FUT8: variants seen among roughly 807,000 people sequenced by gnomAD.
FUT8 encodes fucosyltransferase 8.
FUT8 carries 29 observed loss-of-function variants against 71.3 expected under a neutral mutation model. The ratio of observed to expected loss-of-function variants is 0.41; its 90% CI spans 0.30 to 0.55. The LOEUF (loss-of-function observed/expected upper bound fraction) is 0.55, where lower values mean the gene tolerates loss of function less well. FUT8 is among the 20% of genes least tolerant of loss of function. The pLI is 0.34. For synonymous variants in FUT8, 254 were observed against 239.3 expected (o/e 1.06, Z -0.57); for missense variants, 544 against 702.1 (o/e 0.77, Z 2.55).
intron 2 of FUT8, among the ~76,000 whole-genome samples, chr14:65,537,156 T>C (rs1884371857): frequency 6.6e-6 from 1 of 151,912 alleles, no homozygotes; most frequent in South Asian, 2.1e-4. Flanking sequence ...CTTGTATCAT[T>C]TTATTGTGCT....
At chr14:65,633,947 G>T (rs1890385487) in intron 6 of FUT8, among the ~76,000 whole-genome samples, 1 of 151,076 alleles carries the variant, frequency 6.6e-6, no homozygotes, top group Non-Finnish European at 1.5e-5. Flanking sequence ...GAGGTGGGGG[G>T]TCAGCCCCTG....
At chr14:65,478,370 G>T (rs2066279616) in intron 2 of FUT8, among the ~76,000 whole-genome samples, 1 of 152,122 alleles carries the variant, frequency 6.6e-6, no homozygotes, top group Non-Finnish European at 1.5e-5. Flanking sequence ...CTGAAGAAAT[G>T]CTCACTGGAG....
chr14:65,499,409 A>C (rs1052784831), intron 2 of FUT8, among the ~76,000 whole-genome samples: 22 of 151,734 alleles, frequency 1.4e-4, no homozygotes, highest in Non-Finnish European at 2.6e-4. Context: ...CAGGTTTACC[A>C]CTTTTTTTTT....
chr14:65,616,169 A>C (rs900456780), intron 4 of FUT8, 42 bp from the exon 5 acceptor site: 2 of 1,596,184 alleles, frequency 1.3e-6, no homozygotes, highest in African/African-American at 2.7e-5. Flanking sequence ...TCCTTTTATC[A>C]AAATGTTGGA....
chr14:65,681,858 A>G (rs1438867509), intron 7 of FUT8, among the ~76,000 whole-genome samples: 2 of 152,250 alleles, frequency 1.3e-5, no homozygotes, highest in Admixed American at 6.5e-5. Context: ...TGCCAGAGGT[A>G]GTACAGCCGC....
At chr14:65,507,289 CAAG>C (rs1355359219) in intron 2 of FUT8, among the ~76,000 whole-genome samples, 1 of 152,176 alleles carries the variant, frequency 6.6e-6, no homozygotes, top group Non-Finnish European at 1.5e-5. Flanking sequence ...CTCGGCCTTC[CAAG>C]AAGATTTGTG....
intron 1 of FUT8, among the ~76,000 whole-genome samples, chr14:65,441,713 A>G (rs200217696): frequency 1.5e-5 from 2 of 137,444 alleles, no homozygotes; most frequent in African/African-American, 2.7e-5. Flanking sequence ...AGATCGTGCC[A>G]CTGTACTCCA....
rs1436452611 is a variant in FUT8 at position 65,643,420 on chromosome 14, C to T, written c.597+13814C>T. Among the ~76,000 whole-genome samples, 8 of 151,964 alleles carry T rather than the reference C, an allele frequency of 5.3e-5. No homozygotes were observed. The highest frequency in any genetic ancestry group is 7.3e-5 in the African/African-American group (3 of 41,362). On this transcript the variant is annotated intron_variant, in intron 6 of 10. Coordinates refer to ENST00000673929, the MANE Select transcript of FUT8 (RefSeq NM_001371533.1). The surrounding 1 kb of genome is among the most constrained non-coding windows in gnomAD (Gnocchi z 4.5). Reference sequence around the variant, plus strand: ...CTGTAATCCCAGCACTTTGGGAGGCCGAGGCAGGCGGGTCACGAGGTCAGG... The same window carrying T: ...CTGTAATCCCAGCACTTTGGGAGGCTGAGGCAGGCGGGTCACGAGGTCAGG...
chr14:65,373,782 A>G, the FUT8 span, among the ~76,000 whole-genome samples: 65 of 152,296 alleles, frequency 4.3e-4, 3 homozygotes, highest in African/African-American at 1.5e-3. Context: ...CTACAAGCCT[A>G]GCTGCTAATG....
intron 7 of FUT8, among the ~76,000 whole-genome samples, chr14:65,717,156 G>A (rs549911353): frequency 3.2e-4 from 42 of 130,070 alleles, no homozygotes; most frequent in Non-Finnish European, 5.5e-4. Context: ...TGGGGCGGCC[G>A]GGCAGAGGCG....
At chr14:65,535,012 T>C (rs1471909132) in intron 2 of FUT8, among the ~76,000 whole-genome samples, 1 of 151,292 alleles carries the variant, frequency 6.6e-6, no homozygotes, top group Non-Finnish European at 1.5e-5. Context: ...TGATATTAGG[T>C]TGTTAAATTG....
chr14:65,738,497 C>T (rs1896334292), intron 10 of FUT8, among the ~76,000 whole-genome samples: 3 of 151,862 alleles, frequency 2.0e-5, no homozygotes, highest in Admixed American at 1.3e-4. Context: ...GTGTGCTTTA[C>T]GATGTACTAA....
intron 1 of FUT8, among the ~76,000 whole-genome samples, chr14:65,424,131 A>G (rs2065346052): frequency 6.6e-6 from 1 of 152,204 alleles, no homozygotes; most frequent in African/African-American, 2.4e-5. Flanking sequence ...ACATAATGAA[A>G]CCGCGAGAGA....
chr14:65,487,158 C>T (rs1428720451), intron 2 of FUT8, among the ~76,000 whole-genome samples: 1 of 152,108 alleles, frequency 6.6e-6, no homozygotes, highest in East Asian at 1.9e-4. Flanking sequence ...AGGGCTTTGA[C>T]AGTAGGGGTC....
At chr14:65,619,309 G>A (rs948409168) in intron 5 of FUT8, among the ~76,000 whole-genome samples, 3 of 152,150 alleles carry the variant, frequency 2.0e-5, no homozygotes, top group Non-Finnish European at 4.4e-5. Context: ...CTGTAGGTTA[G>A]TGACCCCATC....
At chr14:65,454,289 A>T (rs1220602005) in intron 1 of FUT8, among the ~76,000 whole-genome samples, 1 of 152,086 alleles carries the variant, frequency 6.6e-6, no homozygotes, top group Admixed American at 6.6e-5. Context: ...GGAGTAGTTG[A>T]CTATGTCTTC....
intron 7 of FUT8, among the ~76,000 whole-genome samples, chr14:65,692,120 A>G (rs889539514): frequency 1.2e-3 from 187 of 151,510 alleles, no homozygotes; most frequent in African/African-American, 4.3e-3. Flanking sequence ...TGTTGGGTAC[A>G]CCTCCCAGAC....
At chr14:65,360,907 A>G in the FUT8 span, among the ~76,000 whole-genome samples, 2 of 152,162 alleles carry the variant, frequency 1.3e-5, no homozygotes, top group Non-Finnish European at 1.5e-5. Context: ...ATGAGCCCAT[A>G]TTTTCTCAAA....
chr14:65,495,282 G>A (rs2066542138), intron 2 of FUT8, among the ~76,000 whole-genome samples: 1 of 151,194 alleles, frequency 6.6e-6, no homozygotes, highest in Admixed American at 6.6e-5. Context: ...TGTATTCTTT[G>A]TGAAAAGTTA....
Sources: allele counts gnomAD v4.1 joint callset (sites outside exome capture counted in the v4.1 genomes callset), GRCh38; gene constraint gnomAD v4.1.1; non-coding constraint Gnocchi (gnomAD v3.1); transcripts MANE v1.5; gene names NCBI Gene and HGNC (gene_info 2026-07-23, HGNC 2026-07-21).